Variants in STXBP5L observed in about 807,000 individuals in gnomAD.
STXBP5L encodes the protein syntaxin binding protein 5L, also known as syntaxin-binding protein 5-like.
Under a neutral mutation model 144.5 loss-of-function variants are expected in STXBP5L, and 65 were observed. The observed-to-expected ratio is 0.45, with a 90% CI of 0.37 to 0.55. STXBP5L has a LOEUF of 0.55. Among genes scored for constraint, STXBP5L ranks in the 20% least tolerant of loss-of-function variants. The pLI, the probability that STXBP5L is intolerant of heterozygous loss-of-function variation, is 0.00. For synonymous variants in STXBP5L, 505 were observed against 469.6 expected (o/e 1.08, Z -0.97); for missense variants, 1,298 against 1,405.5 (o/e 0.92, Z 1.22).
chr3:121,381,287 C>A lies in STXBP5L; in HGVS notation c.2348-6C>A. ...TTGTGTGGTTTTTTTTTATTTATTT[C>A]CATAGAAAACCGAGAAAATTCCTAT... On this transcript the variant is annotated splice_region_variant and splice_polypyrimidine_tract_variant and intron_variant, in intron 21 of 26. Coordinates refer to ENST00000471454, the MANE Select transcript of STXBP5L (RefSeq NM_001308330.2). 1 of 1,575,776 alleles carries A rather than the reference C, an allele frequency of 6.3e-7. No homozygotes were observed. Among genetic ancestry groups the A allele is most frequent in the Non-Finnish European group, 8.6e-7 (1 of 1,166,480 alleles).
intron 20 of STXBP5L, among the ~76,000 whole-genome samples, chr3:121,376,625 G>T (rs774062742): frequency 2.0e-5 from 3 of 152,108 alleles, no homozygotes; most frequent in Admixed American, 6.6e-5. Flanking sequence ...ATGCTGTTTT[G>T]GTTACTATAG....
chr3:120,960,777 G>C (rs1007413200), intron 3 of STXBP5L, among the ~76,000 whole-genome samples: 3 of 152,050 alleles, frequency 2.0e-5, no homozygotes, highest in Non-Finnish European at 2.9e-5. Context: ...GGGGCAGGGG[G>C]GAGGGATAGC....
At chr3:120,950,895 C>A (rs1427063564) in intron 2 of STXBP5L, among the ~76,000 whole-genome samples, 1 of 152,184 alleles carries the variant, frequency 6.6e-6, no homozygotes, top group Non-Finnish European at 1.5e-5. Flanking sequence ...CGCTACCTGA[C>A]TTCAAACTAT....
intron 5 of STXBP5L, among the ~76,000 whole-genome samples, chr3:121,066,379 T>TATATAC (rs1491085960): frequency 1.4e-5 from 2 of 147,700 alleles, no homozygotes; most frequent in African/African-American, 5.0e-5. Context: ...TATATATATA[T>TATATAC]ACGCTTATAG....
chr3:120,985,268 C>T (rs1942184635), intron 3 of STXBP5L, among the ~76,000 whole-genome samples: 1 of 151,958 alleles, frequency 6.6e-6, no homozygotes, highest in Admixed American at 6.6e-5. Context: ...TGTTATAATT[C>T]CTCTGCGAAG....
chr3:121,260,875 T>C (rs931477768), intron 18 of STXBP5L, among the ~76,000 whole-genome samples: 3 of 152,118 alleles, frequency 2.0e-5, no homozygotes, highest in East Asian at 1.9e-4. Flanking sequence ...ACATAGAGTA[T>C]TGGGTGCTTG....
chr3:121,098,212 A>T (rs554863769), intron 5 of STXBP5L, among the ~76,000 whole-genome samples: 15 of 152,100 alleles, frequency 9.9e-5, no homozygotes, highest in African/African-American at 2.9e-4. Context: ...GTAGAAGGGG[A>T]TATGTATTTT....
chr3:120,970,290 C>A (rs538467646), intron 3 of STXBP5L, among the ~76,000 whole-genome samples: 2 of 152,060 alleles, frequency 1.3e-5, no homozygotes, highest in Admixed American at 6.6e-5. Flanking sequence ...GAATTTTACA[C>A]CTTCAAATGT....
chr3:121,218,911 C>G (rs1055992945), intron 10 of STXBP5L, among the ~76,000 whole-genome samples: 2 of 152,048 alleles, frequency 1.3e-5, no homozygotes, highest in Non-Finnish European at 2.9e-5. Flanking sequence ...ATGGATACAG[C>G]CTGTAATGTC....
intron 3 of STXBP5L, among the ~76,000 whole-genome samples, chr3:120,980,620 A>G (rs1178340783): frequency 1.7e-4 from 26 of 152,214 alleles, no homozygotes; most frequent in Non-Finnish European, 1.3e-4. Context: ...GTTTCTTATA[A>G]GAAGCTATCA....
intron 7 of STXBP5L, among the ~76,000 whole-genome samples, chr3:121,148,032 C>T (rs967678463): frequency 2.6e-5 from 4 of 152,020 alleles, no homozygotes; most frequent in Non-Finnish European, 5.9e-5. Context: ...CTTGCCAGCT[C>T]ACCCTGCAGA....
intron 3 of STXBP5L, among the ~76,000 whole-genome samples, chr3:121,006,074 G>C (rs1269123072): frequency 6.6e-6 from 1 of 152,120 alleles, no homozygotes; most frequent in Non-Finnish European, 1.5e-5. Context: ...AGGTCTGCTT[G>C]GTGCAGAGCT....
intron 20 of STXBP5L, among the ~76,000 whole-genome samples, chr3:121,343,399 G>A (rs186114701): frequency 6.6e-6 from 1 of 152,076 alleles, no homozygotes; most frequent in Non-Finnish European, 1.5e-5. Context: ...TATGGCCAGG[G>A]CAATTAGGCA....
intron 5 of STXBP5L, among the ~76,000 whole-genome samples, chr3:121,070,211 C>T (rs1421641219): frequency 6.6e-6 from 1 of 152,108 alleles, no homozygotes; most frequent in South Asian, 2.1e-4. Context: ...CTACGTGAGG[C>T]GAGAAGTAAG....
At chr3:121,043,817 G>A (rs951870182) in intron 4 of STXBP5L, among the ~76,000 whole-genome samples, 1 of 152,058 alleles carries the variant, frequency 6.6e-6, no homozygotes, top group African/African-American at 2.4e-5. Flanking sequence ...ATTGCCTTTG[G>A]CATGTTTTAT....
chr3:120,959,989 T>G (rs866157086), intron 3 of STXBP5L, among the ~76,000 whole-genome samples: 1 of 151,276 alleles, frequency 6.6e-6, no homozygotes, highest in Non-Finnish European at 1.5e-5. Flanking sequence ...TGGAAGAAAA[T>G]TTTTGCAATC....
intron 20 of STXBP5L, among the ~76,000 whole-genome samples, chr3:121,373,123 G>T (rs1287498978): frequency 2.0e-5 from 3 of 152,194 alleles, no homozygotes; most frequent in Non-Finnish European, 4.4e-5. Context: ...ATCTAGGGAA[G>T]AATTAATGAA....
intron 10 of STXBP5L, among the ~76,000 whole-genome samples, chr3:121,216,270 T>C (rs903442102): frequency 6.6e-6 from 1 of 152,206 alleles, no homozygotes; most frequent in South Asian, 2.1e-4. Context: ...GGAGAGGCTT[T>C]CTGGTTTTTG....
chr3:121,084,824 C>T (rs2107706020), intron 5 of STXBP5L, among the ~76,000 whole-genome samples: 1 of 152,280 alleles, frequency 6.6e-6, no homozygotes, highest in Admixed American at 6.5e-5. Flanking sequence ...AATTTACATT[C>T]CCACCAGCAG....
Sources: gnomAD v4.1 joint callset for allele counts (sites outside exome capture counted in the v4.1 genomes callset) on GRCh38, gnomAD v4.1.1 for gene constraint, MANE v1.5 for transcripts, NCBI Gene and HGNC (gene_info 2026-07-23, HGNC 2026-07-21) for gene names.